Variants in MACROD2 observed in about 807,000 individuals in gnomAD.
MACROD2 encodes ADP-ribose glycohydrolase MACROD2.
Under a neutral mutation model 70.4 loss-of-function variants are expected in MACROD2, and 36 were observed. The observed-to-expected ratio is 0.51, with a 90% confidence interval of 0.39 to 0.68. The LOEUF is 0.68. Among genes scored for constraint, MACROD2 ranks in the 30% least tolerant of loss-of-function variants. MACROD2 has a pLI of 0.00. For missense variants in MACROD2, 496 were observed against 538.4 expected (o/e 0.92, Z 0.78); for synonymous variants, 172 against 178.8 (o/e 0.96, Z 0.30).
At chr20:16,022,068 T>C (rs1430433802) in intron 15 of MACROD2, among the ~76,000 whole-genome samples, 1 of 105,922 alleles carries the variant, frequency 9.4e-6, no homozygotes, top group African/African-American at 3.1e-5. Flanking sequence ...TTTTTTTTTT[T>C]GAGACAGCGT....
At chr20:14,584,717 C>A in intron 4 of MACROD2, among the ~76,000 whole-genome samples, 1 of 152,000 alleles carries the variant, frequency 6.6e-6, no homozygotes, top group Non-Finnish European at 1.5e-5. Flanking sequence ...ATTGGTGCAT[C>A]TTTTTAGCCT....
chr20:15,263,957 A>T (rs35756339), intron 6 of MACROD2, among the ~76,000 whole-genome samples: 1 of 152,142 alleles, frequency 6.6e-6, no homozygotes, highest in Admixed American at 6.6e-5. Flanking sequence ...TTTTCCAAAT[A>T]TAAGATAATA....
chr20:14,748,563 A>T (rs1479566332), intron 5 of MACROD2, among the ~76,000 whole-genome samples: 1 of 152,024 alleles, frequency 6.6e-6, no homozygotes, highest in Non-Finnish European at 1.5e-5. Flanking sequence ...TAAGTAGTGC[A>T]CAGAGAAGAT....
intron 5 of MACROD2, among the ~76,000 whole-genome samples, chr20:14,778,197 G>A (rs1170819433): frequency 2.6e-5 from 4 of 152,124 alleles, no homozygotes; most frequent in African/African-American, 9.7e-5. Context: ...CGAGAGAGAA[G>A]TAATAGGGAA....
intron 12 of MACROD2, among the ~76,000 whole-genome samples, chr20:15,953,055 C>T (rs1454326943): frequency 1.3e-5 from 2 of 152,030 alleles, no homozygotes; most frequent in Admixed American, 6.6e-5. Flanking sequence ...GCCTGTCATT[C>T]GTGGCAACAT....
At chr20:15,102,583 G>A (rs938819543) in intron 5 of MACROD2, among the ~76,000 whole-genome samples, 1 of 152,002 alleles carries the variant, frequency 6.6e-6, no homozygotes, top group Non-Finnish European at 1.5e-5. Context: ...ATCATATGTA[G>A]TAAGAATAAT....
chr20:14,198,688 C>T (rs143206802), intron 3 of MACROD2, among the ~76,000 whole-genome samples: 2 of 152,288 alleles, frequency 1.3e-5, no homozygotes, highest in African/African-American at 2.4e-5. Context: ...CAATCTCTCT[C>T]CCTTGCCCCC....
chr20:14,827,399 C>T (rs2072913947), intron 5 of MACROD2, among the ~76,000 whole-genome samples: 1 of 152,204 alleles, frequency 6.6e-6, no homozygotes, highest in South Asian at 2.1e-4. Context: ...GTAATAAACA[C>T]AGCTTGAGTG....
intron 5 of MACROD2, among the ~76,000 whole-genome samples, chr20:15,046,789 G>A (rs533791420): frequency 1.3e-4 from 20 of 152,020 alleles, no homozygotes; most frequent in Non-Finnish European, 2.4e-4. Flanking sequence ...CTCTTTCCAC[G>A]CCTAGGTTAT....
intron 5 of MACROD2, among the ~76,000 whole-genome samples, chr20:14,704,456 A>G (rs1364073783): frequency 6.6e-6 from 1 of 152,060 alleles, no homozygotes; most frequent in Non-Finnish European, 1.5e-5. Flanking sequence ...AACTGGCTTG[A>G]TAACAGCATT....
chr20:14,534,025 T>A (rs1179367972), intron 4 of MACROD2, among the ~76,000 whole-genome samples: 1 of 152,212 alleles, frequency 6.6e-6, no homozygotes, highest in Non-Finnish European at 1.5e-5. Flanking sequence ...CAAGATATGT[T>A]CTTGTTACAA....
chr20:15,079,882 C>A (rs1479800069), intron 5 of MACROD2, among the ~76,000 whole-genome samples: 3 of 152,010 alleles, frequency 2.0e-5, no homozygotes, highest in African/African-American at 4.8e-5. Context: ...CAGTCATTAA[C>A]ATCATTAGCA....
chr20:15,959,593 G>A lies in MACROD2; in HGVS notation c.908-7960G>A, dbSNP rs574772553. On this transcript the variant is annotated intron_variant, in intron 12 of 17. Coordinates refer to ENST00000684519, the MANE Select transcript of MACROD2 (RefSeq NM_001351661.2). ...AACCCAGGCTGGAGTGCAGTGGCAC[G>A]ATATTGGCTCACCGCAACCTCCGCC... Among the ~76,000 whole-genome samples the A allele has an allele frequency of 1.4e-3, 214 of 152,284 alleles. 1 individual carries two copies. The highest frequency in any genetic ancestry group is 4.9e-3 in the African/African-American group (204 of 41,566).
intron 3 of MACROD2, among the ~76,000 whole-genome samples, chr20:14,396,451 A>G (rs777718137): frequency 6.6e-6 from 1 of 152,198 alleles, no homozygotes; most frequent in African/African-American, 2.4e-5. Flanking sequence ...TCCTTTTATC[A>G]TAGTGAAACC....
At chr20:14,848,911 A>G (rs2073170641) in intron 5 of MACROD2, among the ~76,000 whole-genome samples, 1 of 152,148 alleles carries the variant, frequency 6.6e-6, no homozygotes, top group African/African-American at 2.4e-5. Context: ...CATGGCAATC[A>G]CATGGATACT....
intron 5 of MACROD2, among the ~76,000 whole-genome samples, chr20:15,166,085 G>T (rs1483629754): frequency 6.6e-6 from 1 of 152,128 alleles, no homozygotes; most frequent in African/African-American, 2.4e-5. Flanking sequence ...ATGCAGCTGG[G>T]GGTAGGAACA....
At chr20:15,860,449 G>A (rs147515524) in intron 8 of MACROD2, among the ~76,000 whole-genome samples, 118 of 152,214 alleles carry the variant, frequency 7.8e-4, no homozygotes, top group Non-Finnish European at 1.5e-3. Flanking sequence ...GTCAACAATC[G>A]TAGATACAGA....
At chr20:14,708,845 C>T (rs893888598) in intron 5 of MACROD2, among the ~76,000 whole-genome samples, 1 of 152,108 alleles carries the variant, frequency 6.6e-6, no homozygotes, top group African/African-American at 2.4e-5. Flanking sequence ...GTCTCGAACT[C>T]CTGACCTCGT....
intron 3 of MACROD2, among the ~76,000 whole-genome samples, chr20:14,335,309 T>C (rs146436255): frequency 2.4e-4 from 36 of 152,310 alleles, no homozygotes; most frequent in East Asian, 1.2e-3. Flanking sequence ...TTGGGCAATA[T>C]AGTCTAGAGA....
Sources: gnomAD v4.1 joint callset for allele counts (sites outside exome capture counted in the v4.1 genomes callset) on GRCh38, gnomAD v4.1.1 for gene constraint, MANE v1.5 for transcripts, NCBI Gene and HGNC (gene_info 2026-07-23, HGNC 2026-07-21) for gene names.